Variants in FMNL2 observed in about 807,000 individuals in gnomAD.
FMNL2 encodes formin like 2.
In FMNL2, 51 loss-of-function variants were observed where a neutral mutation model predicts 130.2. The ratio of observed to expected loss-of-function variants is 0.39; its 90% confidence interval spans 0.31 to 0.49. The LOEUF (loss-of-function observed/expected upper bound fraction) is 0.49. Among genes scored for constraint, FMNL2 ranks in the 20% least tolerant of loss-of-function variants. The pLI, the probability that FMNL2 is intolerant of heterozygous loss-of-function variation, is 0.85. For synonymous variants in FMNL2, 465 were observed against 467.1 expected (o/e 1.00, Z 0.06); for missense variants, 977 against 1,316.2 (o/e 0.74, Z 3.99).
chr2:152,469,778 G>A (rs529852300), intron 1 of FMNL2, among the ~76,000 whole-genome samples: 24 of 152,180 alleles, frequency 1.6e-4, no homozygotes, highest in Admixed American at 3.3e-4. Flanking sequence ...TAATGTCTCC[G>A]TCCTTTAGTT....
intron 11 of FMNL2, among the ~76,000 whole-genome samples, chr2:152,612,507 G>A (rs1032330353): frequency 1.1e-4 from 17 of 152,312 alleles, no homozygotes; most frequent in African/African-American, 3.8e-4. Flanking sequence ...GTGGCAGAGC[G>A]AGACCCTGTG....
At chr2:152,490,239 G>A (rs995012561) in intron 1 of FMNL2, among the ~76,000 whole-genome samples, 1 of 151,778 alleles carries the variant, frequency 6.6e-6, no homozygotes, top group Admixed American at 6.6e-5. Flanking sequence ...CCAGCAGTAG[G>A]GAATGAGTTT....
At chr2:152,359,029 A>C (rs1239569924) in intron 1 of FMNL2, among the ~76,000 whole-genome samples, 1 of 152,170 alleles carries the variant, frequency 6.6e-6, no homozygotes, top group African/African-American at 2.4e-5. Context: ...ATTAGCAAAA[A>C]ATTTTTAGTA....
chr2:152,335,905 C>T (rs1681388660), intron 1 of FMNL2, among the ~76,000 whole-genome samples, 185 bp downstream of exon 1: 1 of 151,686 alleles, frequency 6.6e-6, no homozygotes, highest in Non-Finnish European at 1.5e-5. Context: ...CCCCCGCGCT[C>T]AGTCTCTCGG....
intron 1 of FMNL2, among the ~76,000 whole-genome samples, chr2:152,456,341 G>A (rs1043543567): frequency 6.6e-5 from 10 of 152,190 alleles, no homozygotes; most frequent in Non-Finnish European, 1.2e-4. Context: ...GTTTTAGTGA[G>A]TCAGAAGCAA....
chr2:152,446,072 C>T (rs148920912), intron 1 of FMNL2, among the ~76,000 whole-genome samples: 1 of 152,136 alleles, frequency 6.6e-6, no homozygotes, highest in Non-Finnish European at 1.5e-5. Context: ...TCTAATCTTA[C>T]AAGAAATTAG....
At chr2:152,528,123 TAATATA>T (rs1294457669) in intron 2 of FMNL2, among the ~76,000 whole-genome samples, 2 of 152,210 alleles carry the variant, frequency 1.3e-5, no homozygotes, top group Admixed American at 6.5e-5. Context: ...TTCCTAACAG[TAATATA>T]ATTATTTACC....
At chr2:152,627,853 A>C (rs1043199724) in intron 17 of FMNL2, among the ~76,000 whole-genome samples, 1 of 152,248 alleles carries the variant, frequency 6.6e-6, no homozygotes, top group Non-Finnish European at 1.5e-5. Flanking sequence ...TAATTGAAAT[A>C]TTTTACATAA....
intron 1 of FMNL2, among the ~76,000 whole-genome samples, chr2:152,455,113 A>C (rs1382516922): frequency 6.6e-6 from 1 of 152,114 alleles, no homozygotes; most frequent in Non-Finnish European, 1.5e-5. Context: ...GCATCCCTGG[A>C]ACTGGGAGAC....
At chr2:152,369,768 G>C (rs1579499608) in intron 1 of FMNL2, among the ~76,000 whole-genome samples, 1 of 152,304 alleles carries the variant, frequency 6.6e-6, no homozygotes, top group East Asian at 1.9e-4. Flanking sequence ...TGTTCTTACT[G>C]CTGCTGTGTT....
At chr2:152,389,207 C>G (rs946606001) in intron 1 of FMNL2, among the ~76,000 whole-genome samples, 6 of 152,062 alleles carry the variant, frequency 3.9e-5, no homozygotes, top group African/African-American at 1.4e-4. Context: ...TTCTAAAGAA[C>G]AGAAACTTAT....
At chr2:152,458,688 G>T (rs1689083798) in intron 1 of FMNL2, among the ~76,000 whole-genome samples, 1 of 152,218 alleles carries the variant, frequency 6.6e-6, no homozygotes, top group African/African-American at 2.4e-5. Context: ...CTGGTATGGG[G>T]TCAAGAAGTT....
chr2:152,488,677 G>T (rs74748635), intron 1 of FMNL2, among the ~76,000 whole-genome samples: 36 of 152,198 alleles, frequency 2.4e-4, no homozygotes, highest in African/African-American at 8.7e-4. Context: ...TAAAATCACA[G>T]TACTTAATTA....
chr2:152,573,149 A>T (rs1353496827), intron 6 of FMNL2, among the ~76,000 whole-genome samples: 1 of 152,230 alleles, frequency 6.6e-6, no homozygotes, highest in African/African-American at 2.4e-5. Flanking sequence ...TAGAATAAAG[A>T]TTTAAAAAGA....
chr2:152,617,295 G>C, intron 13 of FMNL2, 103 bp downstream of exon 13: 1 of 994,740 alleles, frequency 1.0e-6, no homozygotes, highest in Non-Finnish European at 1.5e-6. Flanking sequence ...GGAATGCATT[G>C]ATGCAGCATA....
chr2:152,379,742 A>T (rs538011841), intron 1 of FMNL2, among the ~76,000 whole-genome samples: 1 of 152,332 alleles, frequency 6.6e-6, no homozygotes, highest in South Asian at 2.1e-4. Context: ...ATGTATGGCA[A>T]ACACAATGCT....
intron 2 of FMNL2, among the ~76,000 whole-genome samples, chr2:152,538,275 T>G (rs1284222857): frequency 1.5e-4 from 1 of 6,480 alleles, no homozygotes; most frequent in African/African-American, 2.8e-4. Flanking sequence ...TTATATGAGG[T>G]TTTTTTTTTT....
intron 5 of FMNL2, among the ~76,000 whole-genome samples, chr2:152,559,750 C>T (rs1386340115): frequency 3.9e-5 from 6 of 152,124 alleles, no homozygotes; most frequent in Non-Finnish European, 8.8e-5. Context: ...GGATGCCCTC[C>T]TCGTCTTACC....
chr2:152,454,338 C>T (rs530114430), intron 1 of FMNL2, among the ~76,000 whole-genome samples: 35 of 152,058 alleles, frequency 2.3e-4, no homozygotes, highest in Non-Finnish European at 3.8e-4. Flanking sequence ...AATAAAGTGG[C>T]AAATATGGCT....
Sources: allele counts gnomAD v4.1 joint callset (sites outside exome capture counted in the v4.1 genomes callset), GRCh38; gene constraint gnomAD v4.1.1; transcripts MANE v1.5; gene names NCBI Gene and HGNC (gene_info 2026-07-23, HGNC 2026-07-21).